The following DPH6 variants were observed in gnomAD, a reference collection of about 807,000 sequenced individuals.
DPH6 encodes the protein diphthamine biosynthesis 6, also known as diphthine--ammonia ligase.
In DPH6, 33 loss-of-function variants were observed where a neutral mutation model predicts 38.2. The ratio of observed to expected loss-of-function variants is 0.86; its 90% CI spans 0.65 to 1.15. DPH6 has a LOEUF of 1.15. Among genes scored for constraint, DPH6 ranks in the 50% most tolerant of loss-of-function variants. DPH6 has a pLI of 0.00. For synonymous variants in DPH6, 108 were observed against 103.0 expected, an observed-to-expected ratio of 1.05 and a Z score of -0.30; for missense variants, 325 against 320.0, an observed-to-expected ratio of 1.02 and a Z score of -0.12.
the DPH6 span, among the ~76,000 whole-genome samples, chr15:35,163,945 G>A: frequency 1.3e-5 from 2 of 151,728 alleles, no homozygotes; most frequent in Non-Finnish European, 2.9e-5. Context: ...TATACTAAAC[G>A]CTCAAATGCC....
At chr15:35,259,483 T>C (rs547274667) in intron 3 of DPH6, among the ~76,000 whole-genome samples, 2 of 152,314 alleles carry the variant, frequency 1.3e-5, no homozygotes, top group Non-Finnish European at 2.9e-5. Flanking sequence ...ATAAAATAGA[T>C]AATAAGATTT....
chr15:35,444,169 G>A (rs1386267586), intron 5 of DPH6, among the ~76,000 whole-genome samples: 15 of 152,188 alleles, frequency 9.9e-5, no homozygotes, highest in African/African-American at 3.6e-4. Flanking sequence ...GACTAGGTTA[G>A]TGACTAGAGA....
At chr15:35,257,730 C>A (rs1221213825) in intron 3 of DPH6, among the ~76,000 whole-genome samples, 2 of 151,520 alleles carry the variant, frequency 1.3e-5, no homozygotes, top group East Asian at 3.9e-4. Context: ...TCAAGAATTC[C>A]ATGCTAGCAC....
At chr15:35,339,050 TG>T (rs891187142) in intron 3 of DPH6, among the ~76,000 whole-genome samples, 6 of 149,702 alleles carry the variant, frequency 4.0e-5, no homozygotes, top group Non-Finnish European at 8.9e-5. Context: ...GGGTAGCGGG[TG>T]GGGGATAGCA....
At chr15:35,488,496 A>T (rs1453344214) in intron 3 of DPH6, among the ~76,000 whole-genome samples, 1 of 152,192 alleles carries the variant, frequency 6.6e-6, no homozygotes, top group Non-Finnish European at 1.5e-5. Context: ...TGGCAGCAGG[A>T]GAGCGAGTGA....
At chr15:35,376,792 T>C (rs1321442039) in intron 7 of DPH6, among the ~76,000 whole-genome samples, 2 of 152,162 alleles carry the variant, frequency 1.3e-5, no homozygotes, top group Non-Finnish European at 2.9e-5. Flanking sequence ...AGTACAGTAA[T>C]ATGGTGTCCA....
At chr15:35,274,655 T>C (rs1168401295) in intron 3 of DPH6, among the ~76,000 whole-genome samples, 2 of 152,200 alleles carry the variant, frequency 1.3e-5, no homozygotes, top group Admixed American at 1.3e-4. Context: ...TCATCATCAT[T>C]GGTCATCAGA....
chr15:35,332,700 A>G (rs1305499469), intron 3 of DPH6, among the ~76,000 whole-genome samples: 1 of 152,140 alleles, frequency 6.6e-6, no homozygotes, highest in Non-Finnish European at 1.5e-5. Context: ...TATATAAAAC[A>G]TATGGAGCCC....
intron 6 of DPH6, among the ~76,000 whole-genome samples, chr15:35,402,159 C>G (rs1291413860): frequency 6.6e-6 from 1 of 152,072 alleles, no homozygotes; most frequent in Non-Finnish European, 1.5e-5. Flanking sequence ...GTAAATTTCC[C>G]CAACAGTGTG....
intron 3 of DPH6, among the ~76,000 whole-genome samples, chr15:35,351,779 T>A (rs2052513542): frequency 6.6e-6 from 1 of 151,086 alleles, no homozygotes; most frequent in South Asian, 2.1e-4. Flanking sequence ...TGGAGTGCAG[T>A]GGTGCAATTA....
At chr15:35,346,971 A>T (rs1057228458) in intron 3 of DPH6, among the ~76,000 whole-genome samples, 12 of 152,030 alleles carry the variant, frequency 7.9e-5, no homozygotes, top group South Asian at 2.1e-4. Flanking sequence ...CTTTAAAAAA[A>T]TTTTTTTTGT....
downstream of DPH6, among the ~76,000 whole-genome samples, chr15:35,216,384 A>G (rs1275089104): frequency 2.6e-5 from 4 of 152,218 alleles, no homozygotes; most frequent in African/African-American, 9.6e-5. Context: ...TTAATTATTC[A>G]TGAATTATAA....
intron 3 of DPH6, among the ~76,000 whole-genome samples, chr15:35,472,902 GT>G: frequency 8.2e-6 from 1 of 121,982 alleles, no homozygotes; most frequent in East Asian, 2.2e-4. Context: ...ACAAGATGTA[GT>G]TAAAAAAAAA....
chr15:35,250,655 T>C (rs182027712), intron 3 of DPH6, among the ~76,000 whole-genome samples: 28 of 152,238 alleles, frequency 1.8e-4, no homozygotes, highest in African/African-American at 6.5e-4. Context: ...ATTAAGTACC[T>C]ACTATGCATC....
chr15:35,194,979 T>C, the DPH6 span, among the ~76,000 whole-genome samples: 66 of 152,352 alleles, frequency 4.3e-4, 1 homozygote, highest in East Asian at 9.4e-3. Context: ...TTGTTAACTA[T>C]AGTCACCCTA....
At chr15:35,353,107 C>T (rs977107556) in intron 3 of DPH6, among the ~76,000 whole-genome samples, 4 of 152,162 alleles carry the variant, frequency 2.6e-5, no homozygotes, top group Admixed American at 6.5e-5. Context: ...ATGTCCTTCG[C>T]CCACTTTTTG....
chr15:35,497,188 C>T (rs1300316924), intron 3 of DPH6, among the ~76,000 whole-genome samples: 3 of 152,106 alleles, frequency 2.0e-5, no homozygotes, highest in Admixed American at 2.0e-4. Flanking sequence ...CAAGCAGATG[C>T]TCACAAACAG....
chr15:35,539,526 G>A (rs2055220890), intron 2 of DPH6, among the ~76,000 whole-genome samples: 3 of 151,974 alleles, frequency 2.0e-5, no homozygotes, highest in South Asian at 4.1e-4. Flanking sequence ...AATAAGAGCA[G>A]AGAATATGAA....
At chr15:35,254,674 C>T (rs762430143) in intron 3 of DPH6, among the ~76,000 whole-genome samples, 19 of 151,954 alleles carry the variant, frequency 1.3e-4, no homozygotes, top group Admixed American at 2.6e-4. Context: ...TGGTTTCATG[C>T]GCGTCCGTGT....
Sources: gnomAD v4.1 joint callset for allele counts (sites outside exome capture counted in the v4.1 genomes callset) on GRCh38, gnomAD v4.1.1 for gene constraint, MANE v1.5 for transcripts, NCBI Gene and HGNC (gene_info 2026-07-23, HGNC 2026-07-21) for gene names.